Variants in ZFAND3 observed in about 807,000 individuals in gnomAD.
The protein encoded by ZFAND3 is zinc finger AN1-type containing 3, also known as AN1-type zinc finger protein 3.
ZFAND3 carries 10 observed loss-of-function variants against 29.6 expected under a neutral mutation model. That is an observed-to-expected ratio of 0.34 (90% CI 0.21 to 0.57). The LOEUF (loss-of-function observed/expected upper bound fraction) is 0.57. ZFAND3 is among the 20% of genes least tolerant of loss of function. The probability of loss-of-function intolerance (pLI) is 0.86; values close to 1 mark genes in which losing one functional copy is unlikely to be tolerated. For missense variants in ZFAND3, 230 were observed against 304.5 expected, an observed-to-expected ratio of 0.76 and a Z score of 1.82; for synonymous variants, 128 against 112.6, an observed-to-expected ratio of 1.14 and a Z score of -0.87.
rs1198921643 is a variant in ZFAND3, at chr6:38,090,836, G to A, written c.361+8379G>A. Among the ~76,000 whole-genome samples the A allele has an allele frequency of 2.6e-5, 4 of 152,270 alleles. No individual in the cohort carries two copies. In the South Asian group the frequency reaches 8.3e-4, roughly 32 times the overall value. On this transcript the variant is annotated intron_variant, in intron 4 of 5. Coordinates refer to ENST00000287218, the MANE Select transcript of ZFAND3 (RefSeq NM_021943.3). ...ATGTAAATAATAGGTGGGTTTAAAGGCACCTCACACAATGTATAGATTTCA... is the reference window on the plus strand; with the variant it reads ...ATGTAAATAATAGGTGGGTTTAAAGACACCTCACACAATGTATAGATTTCA...
intron 3 of ZFAND3, among the ~76,000 whole-genome samples, chr6:38,079,877 A>G (rs1764626700): frequency 6.6e-6 from 1 of 152,114 alleles, no homozygotes; most frequent in African/African-American, 2.4e-5. Flanking sequence ...GGGAACTTGT[A>G]TTTTAAAAAA....
At chr6:38,055,559 A>G (rs1399835521) in intron 2 of ZFAND3, among the ~76,000 whole-genome samples, 1 of 152,076 alleles carries the variant, frequency 6.6e-6, no homozygotes, top group East Asian at 1.9e-4. Context: ...AGAGTGCTTG[A>G]CTCACAGGAG....
intron 2 of ZFAND3, among the ~76,000 whole-genome samples, chr6:37,946,285 A>G (rs1388310131): frequency 6.6e-6 from 1 of 152,212 alleles, no homozygotes; most frequent in South Asian, 2.1e-4. Context: ...TCTGATTTAT[A>G]AGATACTTAC....
chr6:37,829,002 G>T (rs1763810837), intron 1 of ZFAND3, among the ~76,000 whole-genome samples: 1 of 152,118 alleles, frequency 6.6e-6, no homozygotes, highest in Non-Finnish European at 1.5e-5. Context: ...AAAAAACCAG[G>T]TTTTTCAAGT....
At chr6:38,092,818 G>C (rs2127474652) in intron 4 of ZFAND3, among the ~76,000 whole-genome samples, 1 of 152,282 alleles carries the variant, frequency 6.6e-6, no homozygotes, top group Middle Eastern at 3.4e-3. Flanking sequence ...TTTGGAAAGG[G>C]CTTTCCGGTT....
At chr6:38,148,145 G>A (rs1041825738) in intron 5 of ZFAND3, among the ~76,000 whole-genome samples, 2 of 152,170 alleles carry the variant, frequency 1.3e-5, no homozygotes, top group African/African-American at 4.8e-5. Context: ...TGTGGTGAAA[G>A]ATAGGGGTCC....
At chr6:37,851,124 C>T (rs1764272534) in intron 1 of ZFAND3, among the ~76,000 whole-genome samples, 1 of 151,310 alleles carries the variant, frequency 6.6e-6, no homozygotes. Flanking sequence ...AGGCACATGC[C>T]ACCATGCCTG....
At chr6:38,132,791 A>G (rs115928209) in intron 5 of ZFAND3, among the ~76,000 whole-genome samples, 183 of 151,598 alleles carry the variant, frequency 1.2e-3, no homozygotes, top group African/African-American at 4.1e-3. Flanking sequence ...TTGCTGGGCA[A>G]CTTAGATTGA....
chr6:37,920,640 G>T lies in ZFAND3; in HGVS notation c.72-9319G>T, dbSNP rs79986598. On this transcript the variant is annotated intron_variant, in intron 1 of 5. Coordinates refer to ENST00000287218, the MANE Select transcript of ZFAND3 (RefSeq NM_021943.3). ...AATCTAAATTGTTACATTAAAATTA[G>T]TTTTTAAAGTGAGCAGGATCCATAT... 7.5e-3 allele frequency among the ~76,000 whole-genome samples: 1,143 copies of T among 152,300 alleles called. 10 individuals carry two copies. The highest frequency in any genetic ancestry group is 0.026 in the African/African-American group (1,062 of 41,562).
chr6:37,835,458 G>A (rs1417771013), intron 1 of ZFAND3, among the ~76,000 whole-genome samples: 3 of 139,720 alleles, frequency 2.1e-5, no homozygotes, highest in Non-Finnish European at 4.7e-5. Context: ...TGCCTGGCCT[G>A]TAAGAGTTTT....
At chr6:38,083,342 G>T (rs1692128695) in intron 4 of ZFAND3, among the ~76,000 whole-genome samples, 2 of 152,138 alleles carry the variant, frequency 1.3e-5, no homozygotes, top group Admixed American at 1.3e-4. Flanking sequence ...AAGGAACTCA[G>T]TTGTACTCTT....
intron 3 of ZFAND3, among the ~76,000 whole-genome samples, chr6:38,066,809 G>T (rs1764355099): frequency 6.6e-6 from 1 of 152,080 alleles, no homozygotes; most frequent in Non-Finnish European, 1.5e-5. Context: ...TTAGAAACAG[G>T]ACTAATTTTT....
intron 2 of ZFAND3, among the ~76,000 whole-genome samples, chr6:38,056,639 C>T (rs1436868208): frequency 6.6e-6 from 1 of 152,120 alleles, no homozygotes; most frequent in Non-Finnish European, 1.5e-5. Flanking sequence ...ATTTTAAGTG[C>T]ATTTTGTAGT....
At chr6:37,941,984 A>C (rs912749052) in intron 2 of ZFAND3, among the ~76,000 whole-genome samples, 12 of 152,160 alleles carry the variant, frequency 7.9e-5, no homozygotes, top group Admixed American at 5.2e-4. Context: ...TCCATATTAC[A>C]ATCTAATTCC....
Position 37,942,919 on chromosome 6 carries a change from C to A in ZFAND3, c.112+12920C>A, listed in dbSNP as rs2127417667. ...AACTTACTTTGAAGAAAAAGTGGGA[C>A]TGTATCAAAAACTTTGAAATAAAGA... On this transcript the variant is annotated intron_variant, in intron 2 of 5. Coordinates refer to ENST00000287218, the MANE Select transcript of ZFAND3 (RefSeq NM_021943.3). Among the ~76,000 whole-genome samples the A allele has an allele frequency of 2.0e-5, 3 of 152,104 alleles. No individual in the cohort carries two copies. In the South Asian group the frequency reaches 6.2e-4, roughly 32 times the overall value.
At chr6:37,834,222 T>C (rs927564795) in intron 1 of ZFAND3, among the ~76,000 whole-genome samples, 1 of 152,240 alleles carries the variant, frequency 6.6e-6, no homozygotes, top group African/African-American at 2.4e-5. Context: ...TAATTTTGGC[T>C]TTTCCAAAAT....
rs922661157 is a variant in ZFAND3 at position 37,891,426 on chromosome 6, C to CCCT, written c.72-38533_72-38532insCCT. ...AGTTGGAGATTTCAGTCCCCCCCCC[C>CCCT]GCCTTTAAAATACAAAAATTAGCCG... On this transcript the variant is annotated intron_variant, in intron 1 of 5. Coordinates refer to ENST00000287218, the MANE Select transcript of ZFAND3 (RefSeq NM_021943.3). 2.1e-5 allele frequency among the ~76,000 whole-genome samples: 3 copies of CCCT among 144,808 alleles called. 1 individual carries two copies. The highest frequency in any genetic ancestry group is 8.0e-5 in the African/African-American group (3 of 37,530). The allele number at this position is 144,808 out of a possible 152,430, so 95.0% of individuals were successfully genotyped here. A position where few individuals can be genotyped will look rare whatever the true frequency, so the allele number is the denominator to read the frequency against.
intron 4 of ZFAND3, among the ~76,000 whole-genome samples, chr6:38,085,640 AT>A (rs1200217720): frequency 1.1e-4 from 16 of 152,130 alleles, no homozygotes; most frequent in African/African-American, 3.9e-4. Flanking sequence ...AGGTCTTATT[AT>A]GTTGCCCAGA....
intron 1 of ZFAND3, among the ~76,000 whole-genome samples, chr6:37,864,424 G>A (rs987011926): frequency 2.6e-5 from 4 of 152,058 alleles, no homozygotes; most frequent in Non-Finnish European, 5.9e-5. Context: ...CCCTTTATCT[G>A]TTCTTACAGA....
Sources: allele counts gnomAD v4.1 joint callset (sites outside exome capture counted in the v4.1 genomes callset), GRCh38; gene constraint gnomAD v4.1.1; transcripts MANE v1.5; gene names NCBI Gene and HGNC (gene_info 2026-07-23, HGNC 2026-07-21).